The following C2orf49 variants were observed in gnomAD, a reference collection of about 807,000 sequenced individuals.
The protein encoded by C2orf49 is tRNA-splicing ligase complex subunit ASW.
Under a neutral mutation model 20.6 loss-of-function variants are expected in C2orf49, and 11 were observed. The ratio of observed to expected loss-of-function variants is 0.53; its 90% confidence interval spans 0.34 to 0.88. C2orf49 has a LOEUF of 0.88. Among genes scored for constraint, C2orf49 ranks in the 40% least tolerant of loss-of-function variants. The pLI is 0.02. For synonymous variants in C2orf49, 134 were observed against 108.5 expected, an observed-to-expected ratio of 1.24 and a Z score of -1.46; for missense variants, 289 against 274.2, an observed-to-expected ratio of 1.05 and a Z score of -0.38.
the C2orf49 span, among the ~76,000 whole-genome samples, chr2:105,372,011 A>G: frequency 6.6e-6 from 1 of 152,090 alleles, no homozygotes; most frequent in East Asian, 1.9e-4. Context: ...TGCCCCATCT[A>G]AAGTCACCAT....
chr2:105,356,919 T>C, the C2orf49 span, among the ~76,000 whole-genome samples: 29 of 152,150 alleles, frequency 1.9e-4, no homozygotes, highest in Non-Finnish European at 3.2e-4. Flanking sequence ...ATTTGGGGCC[T>C]TTTTCAACCA....
At chr2:105,351,316 C>G (rs1422678472), downstream of C2orf49, among the ~76,000 whole-genome samples, 1 of 108,314 alleles carries the variant, frequency 9.2e-6, no homozygotes, top group East Asian at 2.4e-4. Flanking sequence ...CCACCGCGCC[C>G]CCCCCCCCCC....
At chr2:105,366,299 G>C in the C2orf49 span, among the ~76,000 whole-genome samples, 1 of 152,228 alleles carries the variant, frequency 6.6e-6, no homozygotes, top group Non-Finnish European at 1.5e-5. Context: ...GGGCAAGGTG[G>C]GGATATTCTT....
chr2:105,378,215 G>A, the C2orf49 span: 1 of 470,808 alleles, frequency 2.1e-6, no homozygotes, highest in South Asian at 1.6e-5. Context: ...GCACAAAAAT[G>A]CAATAGCTAC....
the C2orf49 span, chr2:105,363,059 G>A: frequency 3.7e-6 from 2 of 533,810 alleles, no homozygotes; most frequent in African/African-American, 1.9e-5. Flanking sequence ...TGGAGCACTG[G>A]CCATATGGTT....
chr2:105,367,049 C>T, the C2orf49 span, among the ~76,000 whole-genome samples: 5 of 152,262 alleles, frequency 3.3e-5, no homozygotes, highest in African/African-American at 7.2e-5. Context: ...GCTGGGATTA[C>T]AGGCATGAGC....
the C2orf49 span, among the ~76,000 whole-genome samples, chr2:105,384,212 A>T: frequency 6.6e-6 from 1 of 152,208 alleles, no homozygotes; most frequent in Non-Finnish European, 1.5e-5. Flanking sequence ...CTACGTAAGT[A>T]TTTCTTTTCC....
chr2:105,366,810 A>G, the C2orf49 span, among the ~76,000 whole-genome samples: 3 of 152,098 alleles, frequency 2.0e-5, no homozygotes, highest in Non-Finnish European at 2.9e-5. Flanking sequence ...CAGTGGTGGG[A>G]TCTTGGCTCA....
At chr2:105,381,147 A>C in the C2orf49 span, among the ~76,000 whole-genome samples, 1 of 152,132 alleles carries the variant, frequency 6.6e-6, no homozygotes, top group East Asian at 1.9e-4. Flanking sequence ...GGCACCAACC[A>C]TTCTTCAGAT....
the C2orf49 span, chr2:105,375,119 T>A: frequency 4.1e-4 from 62 of 149,610 alleles, no homozygotes; most frequent in African/African-American, 1.5e-3. Context: ...CAAACAGTTC[T>A]CTTTTGCTGA....
At chr2:105,365,525 G>A in the C2orf49 span, among the ~76,000 whole-genome samples, 24,763 of 151,940 alleles carry the variant, frequency 0.16, 2,259 homozygotes, top group South Asian at 0.22. Flanking sequence ...TTGATGAGAA[G>A]AACAAACCAA....
downstream of C2orf49, among the ~76,000 whole-genome samples, chr2:105,352,382 A>C (rs535346431): frequency 2.5e-4 from 38 of 150,592 alleles, no homozygotes; most frequent in Middle Eastern, 6.9e-3. Flanking sequence ...GAGTAAATAA[A>C]ACATGGTCCC....
the C2orf49 span, among the ~76,000 whole-genome samples, chr2:105,383,530 G>C: frequency 6.6e-6 from 1 of 152,124 alleles, no homozygotes; most frequent in Non-Finnish European, 1.5e-5. Context: ...AGTAGGTCAG[G>C]ACTCTCAAAA....
rs905562958 is a variant in C2orf49 at position 105,349,055 on chromosome 2, A to G, written c.*3684A>G. The stretch of plus-strand genomic sequence containing the variant: ...GGAAATAGAAGTCTCTGAACTTCCC[A>G]TGTAATATTAAAGCTCTTAACAAAA... On this transcript the variant is annotated 3_prime_UTR_variant, in exon 4 of 4. Coordinates refer to ENST00000258457, the MANE Select transcript of C2orf49 (RefSeq NM_024093.3). The G allele has an allele frequency of 6.6e-6, 1 of 152,194 alleles. No individual in the cohort carries two copies. Among genetic ancestry groups the G allele is most frequent in the Non-Finnish European group, 1.5e-5 (1 of 68,034 alleles). The allele number at this position is 152,194 out of a possible 1,614,324, so 9.4% of individuals were successfully genotyped here. A position where few individuals can be genotyped will look rare whatever the true frequency, so the allele number is the denominator to read the frequency against.
At chr2:105,351,495 T>C (rs929233789), downstream of C2orf49, among the ~76,000 whole-genome samples, 2 of 152,200 alleles carry the variant, frequency 1.3e-5, no homozygotes, top group Non-Finnish European at 2.9e-5. Context: ...ATGATTTATG[T>C]CAGTATGACT....
chr2:105,350,750 T>C (rs141778068), downstream of C2orf49, among the ~76,000 whole-genome samples: 398 of 152,308 alleles, frequency 2.6e-3, 1 homozygote, highest in Non-Finnish European at 4.6e-3. Context: ...AAATAAACTT[T>C]TAAAAAATAA....
chr2:105,344,845 T>A (rs2104452397), intron 3 of C2orf49, among the ~76,000 whole-genome samples: 1 of 152,094 alleles, frequency 6.6e-6, no homozygotes, highest in Non-Finnish European at 1.5e-5. Flanking sequence ...CTGACTCGGC[T>A]GGGATTACAG....
chr2:105,365,774 A>G, the C2orf49 span, among the ~76,000 whole-genome samples: 1 of 151,908 alleles, frequency 6.6e-6, no homozygotes, highest in African/African-American at 2.4e-5. Flanking sequence ...GAACCCAGAA[A>G]GCAGAGGTTG....
In C2orf49 at chr2:105,343,081, A is replaced by G. The variant is rs201112537; in HGVS notation, c.500A>G (p.Asn167Ser). ...CCTGTGAACAATAAAACGGAACACA[A>G]TAATAATGACGCTAAACAGAACCAT... The part of the protein sequence containing the change: ...NLPVNNKTEH[N>S]NNDAKQNHDL... The change falls in exon 3 of 4, where the codon AAT becomes AGT. Residue 167 changes from asparagine to serine, a missense_variant. Transcript: ENST00000258457. 1.9e-6 allele frequency: 3 copies of G among 1,614,268 alleles called. No homozygotes were observed. Among genetic ancestry groups the G allele is most frequent in the Middle Eastern group, 1.6e-4 (1 of 6,062 alleles).
Sources: allele counts gnomAD v4.1 joint callset (sites outside exome capture counted in the v4.1 genomes callset), GRCh38; gene constraint gnomAD v4.1.1; transcripts MANE v1.5; gene names NCBI Gene and HGNC (gene_info 2026-07-23, HGNC 2026-07-21).